TRAF3: variants seen among roughly 807,000 people sequenced by gnomAD.
The protein encoded by TRAF3 is TNF receptor-associated factor 3.
In TRAF3, 13 loss-of-function variants were observed where a neutral mutation model predicts 62.3. The observed-to-expected ratio is 0.21, with a 90% CI of 0.14 to 0.33. TRAF3 has a LOEUF of 0.33. Ranked by LOEUF, TRAF3 falls within the 10% of genes least tolerant of loss-of-function variation. TRAF3 has a pLI of 1.00. For synonymous variants in TRAF3, 269 were observed against 283.4 expected (o/e 0.95, Z 0.51); for missense variants, 440 against 741.8 (o/e 0.59, Z 4.73).
intron 1 of TRAF3, among the ~76,000 whole-genome samples, chr14:102,792,113 CTTTTTTTTTT>C (rs35895214): frequency 4.1e-5 from 4 of 97,702 alleles, no homozygotes; most frequent in East Asian, 2.8e-4. Context: ...TGTGCCTGGA[CTTTTTTTTTT>C]TTTTTTTTTT....
intron 2 of TRAF3, among the ~76,000 whole-genome samples, chr14:102,864,147 C>CTTTTT (rs1022782387): frequency 1.5e-5 from 2 of 133,952 alleles, no homozygotes; most frequent in Non-Finnish European, 3.2e-5. Context: ...TTGCCTTTTT[C>CTTTTT]TTTTTTTTTT....
chr14:102,800,851 A>C (rs1783851654), intron 1 of TRAF3, among the ~76,000 whole-genome samples: 1 of 151,746 alleles, frequency 6.6e-6, no homozygotes, highest in Non-Finnish European at 1.5e-5. Context: ...TTGTGCCGCC[A>C]CACCCAGCTG....
At chr14:102,842,894 TTTTA>T (rs1239255787) in intron 2 of TRAF3, among the ~76,000 whole-genome samples, 1 of 152,132 alleles carries the variant, frequency 6.6e-6, no homozygotes, top group Non-Finnish European at 1.5e-5. Context: ...AAGGATAAAT[TTTTA>T]TTTATTTCAG....
chr14:102,782,023 A>G (rs1457347256), intron 1 of TRAF3, among the ~76,000 whole-genome samples: 4 of 152,008 alleles, frequency 2.6e-5, no homozygotes, highest in Non-Finnish European at 4.4e-5. Context: ...CAAACTCCAG[A>G]CGTCAAGTGA....
chr14:102,833,547 G>A (rs575807354), intron 2 of TRAF3, among the ~76,000 whole-genome samples: 1 of 152,192 alleles, frequency 6.6e-6, no homozygotes, highest in Non-Finnish European at 1.5e-5. Context: ...TTGCATTCGA[G>A]TATAGAGATG....
intron 1 of TRAF3, among the ~76,000 whole-genome samples, chr14:102,801,570 T>A (rs532386780): frequency 1.3e-5 from 2 of 152,202 alleles, no homozygotes; most frequent in East Asian, 3.9e-4. Context: ...TGTCTCACTC[T>A]GTCACCCAGG....
chr14:102,850,812 C>G (rs537383916), intron 2 of TRAF3, among the ~76,000 whole-genome samples: 1 of 151,372 alleles, frequency 6.6e-6, no homozygotes, highest in African/African-American at 2.4e-5. Flanking sequence ...ATTTTTTAGT[C>G]ACACAATTCC....
chr14:102,804,612 C>T (rs1898658191), intron 1 of TRAF3, among the ~76,000 whole-genome samples: 1 of 152,146 alleles, frequency 6.6e-6, no homozygotes, highest in Non-Finnish European at 1.5e-5. Context: ...CTCAGCCTCC[C>T]AAGTAGCTGG....
chr14:102,897,826 G>A (rs752481448), intron 10 of TRAF3, among the ~76,000 whole-genome samples: 5 of 152,352 alleles, frequency 3.3e-5, no homozygotes, highest in South Asian at 4.1e-4. Flanking sequence ...AGTGACACGC[G>A]CTCACCCGCT....
At chr14:102,901,093 CT>C (rs1890273251) in intron 10 of TRAF3, among the ~76,000 whole-genome samples, 1 of 152,132 alleles carries the variant, frequency 6.6e-6, no homozygotes, top group African/African-American at 2.4e-5. Flanking sequence ...ATGGAGACGC[CT>C]TTTATTTAGT....
At chr14:102,850,077 C>T (rs1396481802) in intron 2 of TRAF3, among the ~76,000 whole-genome samples, 1 of 152,114 alleles carries the variant, frequency 6.6e-6, no homozygotes, top group Non-Finnish European at 1.5e-5. Context: ...TTTTTAAATT[C>T]TAATTACAGT....
chr14:102,868,490 C>G (rs986986918), intron 2 of TRAF3, among the ~76,000 whole-genome samples: 2 of 152,172 alleles, frequency 1.3e-5, no homozygotes, highest in South Asian at 4.1e-4. Flanking sequence ...GGAAGGGCAT[C>G]TGTGCTGGAG....
chr14:102,796,514 C>A (rs989865283), intron 1 of TRAF3, among the ~76,000 whole-genome samples: 1 of 152,184 alleles, frequency 6.6e-6, no homozygotes, highest in East Asian at 1.9e-4. Context: ...CCTGGACTTG[C>A]GACTAGTGTC....
intron 10 of TRAF3, among the ~76,000 whole-genome samples, chr14:102,901,976 C>T (rs1890326799): frequency 6.6e-6 from 1 of 152,226 alleles, no homozygotes; most frequent in Non-Finnish European, 1.5e-5. Context: ...CTTGAAAATG[C>T]ACATCATTTT....
chr14:102,834,687 CAA>C (rs35056615), intron 2 of TRAF3, among the ~76,000 whole-genome samples: 2 of 54,266 alleles, frequency 3.7e-5, no homozygotes, highest in East Asian at 5.5e-4. Context: ...GACTCCGTCT[CAA>C]AAAAAAAAAA....
At chr14:102,780,929 G>A (rs1377878028) in intron 1 of TRAF3, among the ~76,000 whole-genome samples, 3 of 152,136 alleles carry the variant, frequency 2.0e-5, no homozygotes, top group Non-Finnish European at 4.4e-5. Context: ...GAAGGATAAG[G>A]AAAAATGCAA....
At position 102,881,963 on chromosome 14, in the gene TRAF3, G is replaced by T. The variant is rs543835855; in HGVS notation, c.571-4226G>T. On this transcript the variant is annotated intron_variant, in intron 6 of 11. Coordinates refer to ENST00000392745, the MANE Select transcript of TRAF3 (RefSeq NM_145725.3). ...GATTCACGAAATGGCGTCAGACCCT[G>T]CCCTGGTTGCTTAGGATGCACAGGA... Among the ~76,000 whole-genome samples the T allele has an allele frequency of 5.3e-5, 8 of 152,326 alleles. 1 individual carries two copies. In the South Asian group the frequency reaches 1.7e-3, roughly 32 times the overall value.
intron 6 of TRAF3, 194 bp downstream of exon 6, chr14:102,876,719 G>T (rs576703178): frequency 1.5e-6 from 1 of 687,794 alleles, no homozygotes; most frequent in African/African-American, 1.8e-5. Context: ...TAGATAATCC[G>T]TTCCACAGGC....
At chr14:102,813,730 C>T (rs4906266) in intron 1 of TRAF3, among the ~76,000 whole-genome samples, 4 of 151,960 alleles carry the variant, frequency 2.6e-5, no homozygotes, top group African/African-American at 4.8e-5. Context: ...GGATTACAGG[C>T]GTGAGCCACC....
Sources: gnomAD v4.1 joint callset for allele counts (sites outside exome capture counted in the v4.1 genomes callset) on GRCh38, gnomAD v4.1.1 for gene constraint, MANE v1.5 for transcripts, NCBI Gene and HGNC (gene_info 2026-07-23, HGNC 2026-07-21) for gene names.